Variants in DDX50 observed in about 807,000 individuals in gnomAD.
DDX50 encodes ATP-dependent RNA helicase DDX50.
DDX50 carries 56 observed loss-of-function variants against 94.8 expected under a neutral mutation model. The ratio of observed to expected loss-of-function variants is 0.59; its 90% CI spans 0.48 to 0.74. The LOEUF is 0.74. Ranked by LOEUF, DDX50 falls within the 30% of genes least tolerant of loss-of-function variation. DDX50 has a pLI of 0.00. For missense variants in DDX50, 713 were observed against 881.2 expected (o/e 0.81, Z 2.42); for synonymous variants, 264 against 295.4 (o/e 0.89, Z 1.09).
intron 8 of DDX50, among the ~76,000 whole-genome samples, chr10:68,920,738 G>A (rs1397732164): frequency 1.3e-5 from 2 of 151,844 alleles, no homozygotes; most frequent in Non-Finnish European, 2.9e-5. Flanking sequence ...CTGATGTCAG[G>A]AGTTCAAGAC....
chr10:68,914,725 C>G (rs1841731430), intron 7 of DDX50, among the ~76,000 whole-genome samples: 1 of 152,170 alleles, frequency 6.6e-6, no homozygotes, highest in Non-Finnish European at 1.5e-5. Flanking sequence ...GAATGCTTTT[C>G]TAACATAGAA....
At chr10:68,913,892 A>G (rs1343257074) in intron 6 of DDX50, among the ~76,000 whole-genome samples, 167 bp from the exon 7 acceptor site, 1 of 152,156 alleles carries the variant, frequency 6.6e-6, no homozygotes, top group East Asian at 1.9e-4. Flanking sequence ...ATTGTCCCCC[A>G]GTTTTGCAAG....
At chr10:68,936,414 G>A (rs1263534291) in intron 11 of DDX50, among the ~76,000 whole-genome samples, 1 of 146,806 alleles carries the variant, frequency 6.8e-6, no homozygotes, top group Non-Finnish European at 1.5e-5. Flanking sequence ...GTGTGAACCT[G>A]GGGGGCGGAG....
chr10:68,909,602 A>G (rs774104021), intron 2 of DDX50, among the ~76,000 whole-genome samples: 10 of 152,070 alleles, frequency 6.6e-5, no homozygotes, highest in Non-Finnish European at 1.2e-4. Flanking sequence ...TTGGCTGGGC[A>G]TAATGGCTTA....
At chr10:68,930,425 A>G (rs1001769947) in intron 8 of DDX50, among the ~76,000 whole-genome samples, 1 of 152,054 alleles carries the variant, frequency 6.6e-6, no homozygotes, top group Non-Finnish European at 1.5e-5. Flanking sequence ...GCCTTCATTT[A>G]TTTCTTACAC....
intron 4 of DDX50, among the ~76,000 whole-genome samples, chr10:68,912,342 G>A (rs145320569): frequency 2.0e-4 from 31 of 152,194 alleles, no homozygotes; most frequent in African/African-American, 7.2e-4. Flanking sequence ...AGTCTCTCCA[G>A]TAGGTAGGAC....
In DDX50 at chr10:68,906,954, G is replaced by GT; in HGVS notation, c.332dup (p.Ser112IlefsTer9). On this transcript the variant is annotated frameshift_variant, in exon 2 of 15. Coordinates refer to ENST00000373585, the MANE Select transcript of DDX50 (RefSeq NM_024045.2). LOFTEE classifies it high-confidence loss of function. ...TGAATATGAAAAAAAATCAAAGCGAGTATCATCTTTAGATACTTCTACTCA... is the reference window on the plus strand; with the variant it reads ...TGAATATGAAAAAAAATCAAAGCGAGTTATCATCTTTAGATACTTCTACTCA... 6.3e-7 allele frequency: 1 copy of GT among 1,599,392 alleles called. No individual in the cohort carries two copies. Among genetic ancestry groups the GT allele is most frequent in the Non-Finnish European group, 8.5e-7 (1 of 1,176,822 alleles).
chr10:68,913,527 AGGTTTCGCTGAACAAGTT>A lies in DDX50; in HGVS notation c.896_913del (p.Gly299_Val304del). 1 of 1,613,994 alleles carries A rather than the reference AGGTTTCGCTGAACAAGTT, an allele frequency of 6.2e-7. No individual in the cohort carries two copies. The highest frequency in any genetic ancestry group is 8.5e-7 in the Non-Finnish European group (1 of 1,179,972). ...ATGAAGTGGATCAGATGTTAGATTT[AGGTTTCGCTGAACAAGTT>A]GAAGATATTATTCATGAATCCTACA... is the stretch of plus-strand genomic sequence containing the variant. On this transcript the variant is annotated inframe_deletion, in exon 6 of 15. Coordinates refer to ENST00000373585, the MANE Select transcript of DDX50 (RefSeq NM_024045.2).
chr10:68,912,507 C>T (rs949844170), intron 4 of DDX50, among the ~76,000 whole-genome samples: 3 of 152,140 alleles, frequency 2.0e-5, no homozygotes, highest in African/African-American at 7.2e-5. Context: ...AGCCTCCACG[C>T]CTGGCCCCAA....
chr10:68,924,306 T>C (rs1424841001), intron 8 of DDX50, among the ~76,000 whole-genome samples: 2 of 152,010 alleles, frequency 1.3e-5, no homozygotes, highest in Non-Finnish European at 2.9e-5. Flanking sequence ...GGTCCCACCA[T>C]GTTGCCAGCG....
intron 8 of DDX50, among the ~76,000 whole-genome samples, chr10:68,929,251 CCCTT>C (rs748750747): frequency 5.2e-4 from 61 of 117,996 alleles, no homozygotes; most frequent in African/African-American, 1.5e-3. Flanking sequence ...CCAGCCTGGT[CCCTT>C]CCTTCCTTCC....
At position 68,946,389 on chromosome 10, in the gene DDX50, C is replaced by T; in HGVS notation, c.1973C>T (p.Pro658Leu). ...WHDSDWILSVPAKLPEIEEYY... is the reference protein window; with the variant it reads ...WHDSDWILSVLAKLPEIEEYY... Reference sequence around the variant, plus strand: ...GATTCCGACTGGATACTCTCAGTGCCAGCCAAATTACCTGAAATTGAAGAA... The same window carrying T: ...GATTCCGACTGGATACTCTCAGTGCTAGCCAAATTACCTGAAATTGAAGAA... The change falls in exon 15 of 15, where the codon CCA becomes CTA. Residue 658 changes from proline (P) to leucine (L), a missense_variant. Physicochemically the swap from Pro to Leu is moderately conservative, Grantham distance 98. Coordinates refer to ENST00000373585, the MANE Select transcript of DDX50 (RefSeq NM_024045.2). The T allele has an allele frequency of 1.2e-6, 2 of 1,614,062 alleles. No individual in the cohort carries two copies. Among genetic ancestry groups the T allele is most frequent in the Non-Finnish European group, 1.7e-6 (2 of 1,179,948 alleles).
chr10:68,905,413 A>G (rs1320009596), intron 1 of DDX50, among the ~76,000 whole-genome samples: 2 of 151,092 alleles, frequency 1.3e-5, no homozygotes, highest in African/African-American at 2.4e-5. Flanking sequence ...TTGGACTTCT[A>G]TATGAATTAT....
At chr10:68,919,657 C>A (rs1379027877) in intron 7 of DDX50, among the ~76,000 whole-genome samples, 175 bp from the exon 8 acceptor site, 1 of 151,972 alleles carries the variant, frequency 6.6e-6, no homozygotes, top group Admixed American at 6.6e-5. Context: ...TTTATTCTTT[C>A]GTCAGTTTAT....
intron 4 of DDX50, among the ~76,000 whole-genome samples, chr10:68,911,463 T>C (rs1359596510): frequency 1.3e-5 from 2 of 152,228 alleles, no homozygotes; most frequent in Non-Finnish European, 2.9e-5. Flanking sequence ...ATAGATGTCT[T>C]TGATAATTTC....
chr10:68,939,104 A>G (rs1311669508), intron 12 of DDX50, among the ~76,000 whole-genome samples: 1 of 152,204 alleles, frequency 6.6e-6, no homozygotes, highest in African/African-American at 2.4e-5. Flanking sequence ...TCACATCAAG[A>G]GGCATAAAAT....
intron 2 of DDX50, 85 bp downstream of exon 2, chr10:68,907,092 C>G: frequency 4.6e-6 from 6 of 1,300,754 alleles, no homozygotes; most frequent in Non-Finnish European, 6.3e-6. Context: ...AGAATTGATT[C>G]TATAACATTT....
At chr10:68,945,099 T>C (rs1842638479) in intron 14 of DDX50, among the ~76,000 whole-genome samples, 1 of 152,188 alleles carries the variant, frequency 6.6e-6, no homozygotes, top group Non-Finnish European at 1.5e-5. Context: ...GCCCTAAACA[T>C]TGGTATAGCG....
chr10:68,943,117 C>T (rs1842590007), intron 13 of DDX50, 96 bp from the exon 14 acceptor site: 2 of 1,066,268 alleles, frequency 1.9e-6, no homozygotes, highest in Non-Finnish European at 2.8e-6. Context: ...TTAGAAAATA[C>T]ATTAAGCAGC....
Sources: allele counts gnomAD v4.1 joint callset (sites outside exome capture counted in the v4.1 genomes callset), GRCh38; gene constraint gnomAD v4.1.1; transcripts MANE v1.5; gene names NCBI Gene and HGNC (gene_info 2026-07-23, HGNC 2026-07-21).